GLB1: variants seen among roughly 807,000 people sequenced by gnomAD.
The protein encoded by GLB1 is beta-galactosidase.
Under a neutral mutation model 74.0 loss-of-function variants are expected in GLB1, and 56 were observed. That is an observed-to-expected ratio of 0.76 (90% CI 0.61 to 0.94). The LOEUF is 0.94. Among genes scored for constraint, GLB1 ranks in the 40% least tolerant of loss-of-function variants. GLB1 has a pLI of 0.00. For missense variants in GLB1, 787 were observed against 845.5 expected, an observed-to-expected ratio of 0.93 and a Z score of 0.86; for synonymous variants, 323 against 323.6, an observed-to-expected ratio of 1.00 and a Z score of 0.02.
At chr3:32,962,381 C>A in the GLB1 span, among the ~76,000 whole-genome samples, 3 of 150,784 alleles carry the variant, frequency 2.0e-5, no homozygotes, top group Admixed American at 6.6e-5. Context: ...ATGTAGCTTT[C>A]TAATGTATGG....
chr3:33,014,022 C>CTTTTGGT, intron 15 of GLB1, 34 bp downstream of exon 15: 1 of 1,614,144 alleles, frequency 6.2e-7, no homozygotes. Context: ...AAAGTTTAGG[C>CTTTTGGT]CTGAATTCAA....
chr3:33,058,217 A>G lies in GLB1; in HGVS notation c.605T>C (p.Phe202Ser). ...ATGGTGGCGAAAGCGCTTCTGCAGG[A>G]AGCGCAGGTAGTCAAAATCACAGGC... ...YFACDFDYLR[F>S]LQKRFRHHLG... The change falls in exon 6 of 16, where the codon TTC becomes TCC. Residue 202 changes from phenylalanine to serine, a missense_variant. Coordinates refer to ENST00000307363, the MANE Select transcript of GLB1 (RefSeq NM_000404.4). 1 of 1,614,194 alleles carries G rather than the reference A, an allele frequency of 6.2e-7. No homozygotes were observed. The highest frequency in any genetic ancestry group is 8.5e-7 in the Non-Finnish European group (1 of 1,180,030).
chr3:32,963,890 C>T, the GLB1 span, among the ~76,000 whole-genome samples: 18 of 152,220 alleles, frequency 1.2e-4, no homozygotes, highest in Admixed American at 3.3e-4. Flanking sequence ...AAAAGGAGAA[C>T]TTTATGATGA....
intron 10 of GLB1, among the ~76,000 whole-genome samples, chr3:33,026,037 G>C (rs900950893): frequency 6.6e-6 from 1 of 152,146 alleles, no homozygotes; most frequent in African/African-American, 2.4e-5. Context: ...ACGGAGGGGC[G>C]GACAGAGAAG....
chr3:33,077,006 T>G (rs779664338), intron 1 of GLB1: 1 of 1,210,074 alleles, frequency 8.3e-7, no homozygotes. Flanking sequence ...GGAGAATTGC[T>G]AGAGCCCAGG....
intron 10 of GLB1, among the ~76,000 whole-genome samples, chr3:33,036,293 T>C (rs1698273414): frequency 6.6e-6 from 1 of 152,094 alleles, no homozygotes; most frequent in Non-Finnish European, 1.5e-5. Flanking sequence ...GAAAAGTGTG[T>C]GGAGTTTCAG....
intron 10 of GLB1, among the ~76,000 whole-genome samples, chr3:33,038,637 C>T (rs1319885008): frequency 2.6e-5 from 4 of 152,068 alleles, no homozygotes; most frequent in Admixed American, 2.0e-4. Context: ...GGCTAGAAGC[C>T]GAACACAACT....
chr3:32,998,636 AAG>A (rs1696420567), intron 15 of GLB1, among the ~76,000 whole-genome samples: 2 of 152,184 alleles, frequency 1.3e-5, no homozygotes, highest in Admixed American at 6.5e-5. Context: ...ACGCAAAAGA[AAG>A]AGAAAATCTG....
rs763833414 is a variant in GLB1 at position 33,072,611 on chromosome 3, C to T, written c.178G>A (p.Val60Met). The T allele has an allele frequency of 3.7e-6, 6 of 1,613,976 alleles. No homozygotes were observed. Among genetic ancestry groups the T allele is most frequent in the Non-Finnish European group, 5.1e-6 (6 of 1,180,044 alleles). ...YISGSIHYSR[V>M]PRFYWKDRLL... ...CGGTCCTTCCAGTAGAAGCGGGGCA[C>T]ACGGGAGTAGTGAATGCTTCCTGAG... The change falls in exon 2 of 16, where the codon GTG becomes ATG. Residue 60 changes from valine (V) to methionine (M), a missense_variant. Val to Met is a conservative substitution (Grantham distance 21). Transcript: ENST00000307363.
Position 32,997,182 on chromosome 3 carries a change from G to C in GLB1, c.1897C>G (p.Leu633Val), listed in dbSNP as rs1696340552. The C allele has an allele frequency of 5.6e-6, 9 of 1,614,064 alleles. 1 individual carries two copies. In the South Asian group the frequency reaches 9.9e-5, roughly 18 times the overall value. Residue 633 changes from leucine to valine, a missense_variant, in exon 16 of 16, where the codon CTA becomes GTA. Leu to Val is a conservative substitution (Grantham distance 32). Transcript: ENST00000307363. ...WAPCSSDDPE[L>V]CAVTFVDRPV... ...CTGTCCACGAACGTCACAGCACATAGTTCTGGATCATCACTGCTGCAGGGT... is the reference window on the plus strand; with the variant it reads ...CTGTCCACGAACGTCACAGCACATACTTCTGGATCATCACTGCTGCAGGGT...
At chr3:33,074,357 G>GA (rs1428558284) in intron 1 of GLB1, among the ~76,000 whole-genome samples, 1 of 35,764 alleles carries the variant, frequency 2.8e-5, no homozygotes, top group African/African-American at 1.8e-4. Context: ...AGGAAGGAAG[G>GA]AAGGAAGGAA....
At chr3:33,096,639 C>T (rs1701041661) in intron 1 of GLB1, 2 of 1,086,550 alleles carry the variant, frequency 1.8e-6, no homozygotes, top group Middle Eastern at 4.1e-4. Context: ...GCGCCCCAAA[C>T]CAGAGCCGGA....
In GLB1 at chr3:33,058,128, C is replaced by A. The variant is rs1424321632; in HGVS notation, c.694G>T (p.Ala232Ser). 2 of 1,613,988 alleles carry A rather than the reference C, an allele frequency of 1.2e-6. No individual in the cohort carries two copies. Among genetic ancestry groups the A allele is most frequent in the Non-Finnish European group, 1.7e-6 (2 of 1,180,030 alleles). Residue 232 changes from alanine to serine, a missense_variant, in exon 6 of 16, where the codon GCC becomes TCC. By Grantham distance (99) the Ala-to-Ser change is moderately conservative (BLOSUM62 1). Transcript: ENST00000307363. ...ACCGTGGTGTAGAGGCCCTGCAGGG[C>A]CCCACATTTCAGGAATGTTTTATGT... ...GAHKTFLKCGALQGLYTTVDF... is the reference protein window; with the variant it reads ...GAHKTFLKCGSLQGLYTTVDF...
chr3:32,965,558 CTGA>C, the GLB1 span, among the ~76,000 whole-genome samples: 2 of 151,868 alleles, frequency 1.3e-5, no homozygotes, highest in African/African-American at 4.8e-5. Context: ...AATTTGCCGA[CTGA>C]TGATTTAATA....
chr3:33,053,436 A>G, intron 7 of GLB1, 55 bp downstream of exon 7: 1 of 1,613,536 alleles, frequency 6.2e-7, no homozygotes, highest in Non-Finnish European at 8.5e-7. Context: ...TTTCAGCAGC[A>G]TGTAACTTTT....
chr3:33,092,028 T>C (rs1700784729), intron 1 of GLB1: 14 of 984,976 alleles, frequency 1.4e-5, no homozygotes, highest in Non-Finnish European at 1.7e-5. Context: ...TATCTCCAAA[T>C]AGGGAAAAGC....
the GLB1 span, among the ~76,000 whole-genome samples, chr3:32,966,229 G>A: frequency 2.6e-4 from 40 of 152,296 alleles, no homozygotes; most frequent in African/African-American, 9.1e-4. Flanking sequence ...AGCTGGGAGC[G>A]GGCTATACCC....
At chr3:33,068,089 T>C in intron 4 of GLB1, 141 bp downstream of exon 4, 1 of 1,220,600 alleles carries the variant, frequency 8.2e-7, no homozygotes, top group Non-Finnish European at 1.2e-6. Flanking sequence ...GTTTTGCCAT[T>C]TTGGCCAGCC....
At chr3:33,090,329 G>C (rs1310603566) in intron 1 of GLB1, 5 of 917,378 alleles carry the variant, frequency 5.5e-6, no homozygotes, top group African/African-American at 5.4e-5. Context: ...GAGTGGTCTC[G>C]TCATGCTTGT....
Sources: gnomAD v4.1 joint callset for allele counts (sites outside exome capture counted in the v4.1 genomes callset) on GRCh38, gnomAD v4.1.1 for gene constraint, MANE v1.5 for transcripts, NCBI Gene and HGNC (gene_info 2026-07-23, HGNC 2026-07-21) for gene names.